The following PIK3C2G variants were observed in gnomAD, a reference collection of about 807,000 sequenced individuals.
PIK3C2G encodes the protein phosphatidylinositol-4-phosphate 3-kinase catalytic subunit type 2 gamma.
PIK3C2G carries 168 observed loss-of-function variants against 181.1 expected under a neutral mutation model. That is an observed-to-expected ratio of 0.93 (90% CI 0.82 to 1.05). PIK3C2G has a LOEUF of 1.05. Ranked by LOEUF, PIK3C2G falls within the 50% of genes least tolerant of loss-of-function variation. PIK3C2G has a pLI of 0.00. For synonymous variants in PIK3C2G, 573 were observed against 592.2 expected (o/e 0.97, Z 0.47); for missense variants, 1,869 against 1,732.8 (o/e 1.08, Z -1.40).
chr12:18,672,993 G>A, the PIK3C2G span, among the ~76,000 whole-genome samples: 1 of 152,114 alleles, frequency 6.6e-6, no homozygotes, highest in East Asian at 1.9e-4. Flanking sequence ...GCACAGATTG[G>A]TACATGACAC....
chr12:18,279,106 G>C (rs1244249421), intron 1 of PIK3C2G, among the ~76,000 whole-genome samples: 1 of 151,908 alleles, frequency 6.6e-6, no homozygotes, highest in African/African-American at 2.4e-5. Context: ...TCTGTTCAGG[G>C]CCAAAATCCA....
Position 18,445,753 on chromosome 12 carries a change from T to C in PIK3C2G, c.2504+21714T>C, listed in dbSNP as rs572386198. Reference sequence around the variant, plus strand: ...ATCTTATTTACTTTAGAAAGCACTCTACATGCTAACTGTAAACCATCCCAA... The same window carrying C: ...ATCTTATTTACTTTAGAAAGCACTCCACATGCTAACTGTAAACCATCCCAA... On this transcript the variant is annotated intron_variant, in intron 18 of 32. Transcript: ENST00000538779. Among the ~76,000 whole-genome samples, 46 of 152,312 alleles carry C rather than the reference T, an allele frequency of 3.0e-4. 1 individual carries two copies. The highest frequency in any genetic ancestry group is 1.0e-3 in the African/African-American group (43 of 41,592).
intron 24 of PIK3C2G, among the ~76,000 whole-genome samples, chr12:18,531,176 T>C (rs1943534453): frequency 6.6e-6 from 1 of 152,152 alleles, no homozygotes; most frequent in South Asian, 2.1e-4. Flanking sequence ...CCAAGATTTG[T>C]CTTAGTGCTT....
chr12:18,594,758 G>T (rs1947267110), intron 30 of PIK3C2G, among the ~76,000 whole-genome samples, 189 bp downstream of exon 30: 1 of 151,918 alleles, frequency 6.6e-6, no homozygotes, highest in Admixed American at 6.6e-5. Context: ...AAAACATGAG[G>T]TTGTAGAATT....
chr12:18,343,277 T>C, intron 9 of PIK3C2G, 50 bp from the exon 10 acceptor site: 2 of 963,216 alleles, frequency 2.1e-6, no homozygotes, highest in Non-Finnish European at 1.6e-6. Context: ...TTTGACTATT[T>C]TGTGAATTTG....
chr12:18,336,284 T>C (rs1016554819), intron 8 of PIK3C2G, among the ~76,000 whole-genome samples: 48 of 152,270 alleles, frequency 3.2e-4, no homozygotes, highest in African/African-American at 1.0e-3. Context: ...AGTTAAATAC[T>C]CTGATGATGG....
At chr12:18,311,602 T>A (rs12367771) in intron 5 of PIK3C2G, among the ~76,000 whole-genome samples, 5 of 152,004 alleles carry the variant, frequency 3.3e-5, no homozygotes, top group Non-Finnish European at 7.4e-5. Flanking sequence ...TACTACAGTA[T>A]ATGTGTACAT....
At chr12:18,579,602 G>C (rs188271112) in intron 29 of PIK3C2G, among the ~76,000 whole-genome samples, 1 of 152,080 alleles carries the variant, frequency 6.6e-6, no homozygotes, top group Admixed American at 6.5e-5. Context: ...AAAGAAAATG[G>C]ACTATCCTAA....
intron 16 of PIK3C2G, among the ~76,000 whole-genome samples, chr12:18,419,845 C>G (rs1329788493): frequency 1.3e-5 from 2 of 152,102 alleles, no homozygotes; most frequent in Non-Finnish European, 2.9e-5. Flanking sequence ...TATGTGATAC[C>G]ACTGTTTACT....
chr12:18,606,296 G>A (rs777044122), intron 30 of PIK3C2G, among the ~76,000 whole-genome samples: 5 of 152,028 alleles, frequency 3.3e-5, no homozygotes, highest in Non-Finnish European at 5.9e-5. Context: ...AAATACATTG[G>A]CTGTCTACTT....
At chr12:18,663,738 G>T in the PIK3C2G span, among the ~76,000 whole-genome samples, 1 of 151,854 alleles carries the variant, frequency 6.6e-6, no homozygotes, top group East Asian at 1.9e-4. Context: ...GAAGAAAAAA[G>T]AAAGAAATTG....
At chr12:18,594,453 A>T in intron 29 of PIK3C2G, 41 bp from the exon 30 acceptor site, 1 of 1,245,140 alleles carries the variant, frequency 8.0e-7, no homozygotes. Context: ...AGTAACAAAT[A>T]TAAGAAATAA....
chr12:18,674,984 T>G, the PIK3C2G span, among the ~76,000 whole-genome samples: 1 of 152,092 alleles, frequency 6.6e-6, no homozygotes, highest in East Asian at 1.9e-4. Flanking sequence ...TTGGAATATC[T>G]AGCCCCAGCC....
the PIK3C2G span, among the ~76,000 whole-genome samples, chr12:18,679,685 C>G: frequency 6.6e-6 from 1 of 151,892 alleles, no homozygotes; most frequent in Non-Finnish European, 1.5e-5. Flanking sequence ...CCCTGGCTAA[C>G]GTTGCAGATA....
intron 26 of PIK3C2G, among the ~76,000 whole-genome samples, chr12:18,561,484 A>G (rs1289780517): frequency 1.3e-5 from 2 of 152,180 alleles, no homozygotes; most frequent in African/African-American, 4.8e-5. Context: ...ATCTCTGAAA[A>G]TAAAAAAAGG....
intron 31 of PIK3C2G, among the ~76,000 whole-genome samples, chr12:18,613,112 C>A (rs1948426544): frequency 6.6e-6 from 1 of 152,096 alleles, no homozygotes; most frequent in South Asian, 2.1e-4. Flanking sequence ...ATGTATCCGT[C>A]CTTAAAATGC....
the PIK3C2G span, chr12:18,695,038 G>A: frequency 6.2e-7 from 1 of 1,612,968 alleles, no homozygotes; most frequent in Non-Finnish European, 8.5e-7. Context: ...TTCCCATTTT[G>A]CAGATCCATG....
At position 18,485,065 on chromosome 12, in the gene PIK3C2G, C is replaced by G. The variant is rs149723547; in HGVS notation, c.2505-3384C>G. The stretch of plus-strand genomic sequence containing the variant: ...TTTCTGTTACTGGATGTTGTTTCCT[C>G]TCTTGACCCACAGAAAATACACACG... On this transcript the variant is annotated intron_variant, in intron 18 of 32. Coordinates refer to ENST00000538779, the MANE Select transcript of PIK3C2G (RefSeq NM_001288772.2). Among the ~76,000 whole-genome samples the G allele has an allele frequency of 1.1e-3, 167 of 152,286 alleles. 1 individual carries two copies. The highest frequency in any genetic ancestry group is 3.8e-3 in the African/African-American group (156 of 41,560).
At chr12:18,318,955 T>G (rs1201795905) in intron 6 of PIK3C2G, among the ~76,000 whole-genome samples, 1 of 151,898 alleles carries the variant, frequency 6.6e-6, no homozygotes, top group Admixed American at 6.6e-5. Context: ...CCTGGTGTTG[T>G]GTACCTATAA....
Sources: allele counts gnomAD v4.1 joint callset (sites outside exome capture counted in the v4.1 genomes callset), GRCh38; gene constraint gnomAD v4.1.1; transcripts MANE v1.5; gene names NCBI Gene and HGNC (gene_info 2026-07-23, HGNC 2026-07-21).